EIF4B: variants seen among roughly 807,000 people sequenced by gnomAD.
The protein encoded by EIF4B is eukaryotic translation initiation factor 4B.
Under a neutral mutation model 79.3 loss-of-function variants are expected in EIF4B, and 8 were observed. The observed-to-expected ratio is 0.10, with a 90% CI of 0.06 to 0.18. The LOEUF is 0.18. Among genes scored for constraint, EIF4B ranks in the 10% least tolerant of loss-of-function variants. The pLI, the probability that EIF4B is intolerant of heterozygous loss-of-function variation, is 1.00. For synonymous variants in EIF4B, 238 were observed against 274.7 expected (o/e 0.87, Z 1.32); for missense variants, 515 against 792.4 (o/e 0.65, Z 4.20).
intron 8 of EIF4B, among the ~76,000 whole-genome samples, chr12:53,028,508 T>C (rs1292214904): frequency 1.4e-5 from 2 of 144,616 alleles, no homozygotes; most frequent in Non-Finnish European, 3.0e-5. Flanking sequence ...TGAGTGGAGA[T>C]GGCGCCGCTG....
chr12:53,035,414 G>A (rs902579567), intron 10 of EIF4B, among the ~76,000 whole-genome samples: 1 of 151,558 alleles, frequency 6.6e-6, no homozygotes, highest in Non-Finnish European at 1.5e-5. Flanking sequence ...TGTCGCCCAG[G>A]CTGGAGTGCA....
intron 10 of EIF4B, among the ~76,000 whole-genome samples, chr12:53,036,803 CTCA>C (rs1209969122): frequency 5.3e-5 from 8 of 152,136 alleles, no homozygotes; most frequent in Admixed American, 2.6e-4. Flanking sequence ...CACAGCTCAC[CTCA>C]TCATTTCTAG....
At chr12:53,006,694 C>T (rs1942966217) in intron 1 of EIF4B, among the ~76,000 whole-genome samples, 198 bp downstream of exon 1, 1 of 151,558 alleles carries the variant, frequency 6.6e-6, no homozygotes, top group Non-Finnish European at 1.5e-5. Flanking sequence ...CCTTCCCCTC[C>T]CCCTCACACT....
intron 3 of EIF4B, among the ~76,000 whole-genome samples, chr12:53,019,433 A>ATTTTTTT (rs1565586158): frequency 3.7e-3 from 121 of 32,806 alleles, no homozygotes; most frequent in Non-Finnish European, 7.8e-3. Flanking sequence ...TTATATATAT[A>ATTTTTTT]TATATTTTTT....
intron 1 of EIF4B, among the ~76,000 whole-genome samples, chr12:53,008,826 G>A (rs575113545): frequency 6.6e-6 from 1 of 151,978 alleles, no homozygotes; most frequent in Admixed American, 6.5e-5. Flanking sequence ...CACTAGGTCA[G>A]GAGTTGGAGA....
At chr12:53,020,093 T>A (rs1943223758) in intron 4 of EIF4B, 67 bp downstream of exon 4, 1 of 1,369,420 alleles carries the variant, frequency 7.3e-7, no homozygotes, top group Admixed American at 2.4e-5. Context: ...TTGATCAAAC[T>A]GGTATTTTTT....
intron 1 of EIF4B, among the ~76,000 whole-genome samples, chr12:53,012,916 A>T (rs1592213932): frequency 1.3e-5 from 2 of 152,246 alleles, no homozygotes; most frequent in South Asian, 4.1e-4. Context: ...GTAATTTCTT[A>T]ACCAGAGGGC....
intron 1 of EIF4B, among the ~76,000 whole-genome samples, chr12:53,007,014 G>C (rs963524134): frequency 1.3e-5 from 2 of 152,092 alleles, no homozygotes; most frequent in Non-Finnish European, 2.9e-5. Context: ...GCAGCGGTGC[G>C]CGTGCGCGGT....
intron 1 of EIF4B, 33 bp from the exon 2 acceptor site, chr12:53,016,440 G>A: frequency 6.2e-7 from 1 of 1,611,280 alleles, no homozygotes. Flanking sequence ...CCTGAGTATT[G>A]GTGAATAATC....
chr12:53,025,620 C>A (rs1196434978), intron 6 of EIF4B, among the ~76,000 whole-genome samples: 1 of 152,110 alleles, frequency 6.6e-6, no homozygotes, highest in Non-Finnish European at 1.5e-5. Context: ...GAAATTAAAA[C>A]CACATTTCAA....
chr12:53,012,555 C>CA (rs564588199), intron 1 of EIF4B, among the ~76,000 whole-genome samples: 31 of 141,250 alleles, frequency 2.2e-4, no homozygotes, highest in East Asian at 2.1e-3. Context: ...ATTTCTGTCT[C>CA]AAAAAAAAAG....
intron 1 of EIF4B, chr12:53,013,778 C>G (rs1943103882): frequency 6.6e-6 from 1 of 150,492 alleles, no homozygotes; most frequent in African/African-American, 2.4e-5. Context: ...GAGTGAGACT[C>G]CCTCTAAAAA....
chr12:53,022,467 C>T (rs10506315), intron 5 of EIF4B, 26 bp from the exon 6 acceptor site: 1,437,147 of 1,606,794 alleles, frequency 0.89, 649,408 homozygotes, highest in Non-Finnish European at 0.93. Flanking sequence ...AGATAACTTA[C>T]GGTTTTTGTT....
chr12:53,030,410 A>ATTTTTTTTTTTTTTTTTTTTT (rs1555153412), intron 8 of EIF4B, among the ~76,000 whole-genome samples: 41 of 34,172 alleles, frequency 1.2e-3, no homozygotes, highest in Non-Finnish European at 2.8e-3. Flanking sequence ...AAAAAATTAT[A>ATTTTTTTTTTTTTTTTTTTTT]TTCTTTTTTT....
At chr12:53,035,013 ATGT>A (rs1943515713) in intron 10 of EIF4B, among the ~76,000 whole-genome samples, 1 of 121,084 alleles carries the variant, frequency 8.3e-6, no homozygotes, top group Non-Finnish European at 1.7e-5. Context: ...ACATCTTTGA[ATGT>A]TGTTTATTCA....
intron 1 of EIF4B, among the ~76,000 whole-genome samples, chr12:53,006,953 G>T (rs371511252): frequency 3.5e-4 from 52 of 150,554 alleles, no homozygotes; most frequent in Middle Eastern, 3.4e-3. Context: ...TAAGTGTGGT[G>T]GGGGGGAGCA....
chr12:53,021,593 T>A (rs1943247528), intron 4 of EIF4B: 8 of 648,004 alleles, frequency 1.2e-5, no homozygotes, highest in African/African-American at 1.8e-5. Context: ...AATAGTATAA[T>A]TGACCTAATA....
intron 10 of EIF4B, among the ~76,000 whole-genome samples, chr12:53,036,589 G>GC (rs1342196486): frequency 6.6e-6 from 1 of 151,838 alleles, no homozygotes; most frequent in Non-Finnish European, 1.5e-5. Context: ...TAAAAAATTT[G>GC]TTTTTTTAGA....
chr12:53,027,237 C>T (rs1351647626), intron 6 of EIF4B, among the ~76,000 whole-genome samples: 3 of 149,048 alleles, frequency 2.0e-5, no homozygotes, highest in Non-Finnish European at 4.5e-5. Flanking sequence ...GGGTTCACAC[C>T]ATTCTCTTGT....
Sources: gnomAD v4.1 joint callset for allele counts (sites outside exome capture counted in the v4.1 genomes callset) on GRCh38, gnomAD v4.1.1 for gene constraint, MANE v1.5 for transcripts, NCBI Gene and HGNC (gene_info 2026-07-23, HGNC 2026-07-21) for gene names.